Variants in CXorf58 observed in about 807,000 individuals in gnomAD.
CXorf58 encodes the protein chromosome X open reading frame 58.
In CXorf58, 24 loss-of-function variants were observed where a neutral mutation model predicts 26.0. The observed-to-expected ratio is 0.92, with a 90% confidence interval of 0.67 to 1.30. The LOEUF is 1.30. CXorf58 is among the 50% of genes most tolerant of loss of function. CXorf58 has a pLI of 0.00. For missense variants in CXorf58, 236 were observed against 263.9 expected, an observed-to-expected ratio of 0.89 and a Z score of 0.73; for synonymous variants, 87 against 86.1, an observed-to-expected ratio of 1.01 and a Z score of -0.06.
At chrX:23,927,647 G>A (rs1928049869) in intron 6 of CXorf58, among the ~76,000 whole-genome samples, 1 of 109,904 alleles carries the variant, frequency 9.1e-6, no homozygotes, top group Non-Finnish European at 1.9e-5. Flanking sequence ...TTGTATATAG[G>A]TAAACTCGTG....
intron 6 of CXorf58, among the ~76,000 whole-genome samples, chrX:23,933,182 G>A (rs993858906): frequency 8.2e-5 from 9 of 109,711 alleles, no homozygotes; most frequent in African/African-American, 2.7e-4. Flanking sequence ...GATTGCCTGT[G>A]TGTGTGTATG....
At chrX:23,925,161 T>C (rs1927971567) in intron 5 of CXorf58, among the ~76,000 whole-genome samples, 1 of 111,773 alleles carries the variant, frequency 8.9e-6, no homozygotes, top group Admixed American at 9.6e-5. Flanking sequence ...TTTCTTCCTT[T>C]TTCATTTTCT....
chrX:23,922,323 G>A (rs1008556939), intron 5 of CXorf58, among the ~76,000 whole-genome samples: 5 of 111,096 alleles, frequency 4.5e-5, no homozygotes, highest in Non-Finnish European at 7.5e-5. Flanking sequence ...GCAGTGAGCC[G>A]AGATTGCACC....
At chrX:23,934,859 C>A (rs1008495832) in intron 6 of CXorf58, among the ~76,000 whole-genome samples, 1 of 107,800 alleles carries the variant, frequency 9.3e-6, no homozygotes, top group Admixed American at 1.0e-4. Flanking sequence ...TTCTCTTTTT[C>A]TTTTCTTTTC....
Position 23,911,825 on chromosome X carries a change from T to C in CXorf58, c.185T>C (p.Phe62Ser). 2.5e-6 allele frequency: 3 copies of C among 1,202,571 alleles called. No homozygotes were observed. Among genetic ancestry groups the C allele is most frequent in the Non-Finnish European group, 3.4e-6 (3 of 888,762 alleles). Residue 62 changes from phenylalanine to serine, a missense_variant, in exon 3 of 9, where the codon TTT becomes TCT. Physicochemically the swap from Phe to Ser is radical, Grantham distance 155. Transcript: ENST00000379211. ...AWLSHTNKMI[F>S]RLLKHAICAA... The stretch of plus-strand genomic sequence containing the variant: ...TTATCTCATACAAACAAAATGATAT[T>C]TCGACTCCTAAAACACGCAATTTGT...
At chrX:23,931,363 G>A (rs891132966) in intron 6 of CXorf58, among the ~76,000 whole-genome samples, 1 of 111,867 alleles carries the variant, frequency 8.9e-6, no homozygotes, top group Non-Finnish European at 1.9e-5. Context: ...GTCCTTATAC[G>A]GGTGTGGCAC....
At chrX:23,925,638 G>A (rs1022339892) in intron 5 of CXorf58, among the ~76,000 whole-genome samples, 15 of 108,165 alleles carry the variant, frequency 1.4e-4, no homozygotes, top group Admixed American at 2.0e-4. Context: ...GTGAACCACC[G>A]TGCCTGGCCT....
At chrX:23,911,478 T>C (rs1471891977) in intron 2 of CXorf58, among the ~76,000 whole-genome samples, 1 of 111,521 alleles carries the variant, frequency 9.0e-6, no homozygotes, top group Admixed American at 9.6e-5. Flanking sequence ...TGCCTCTTAA[T>C]GATATATTTA....
At chrX:23,922,499 T>C (rs775946992) in intron 5 of CXorf58, among the ~76,000 whole-genome samples, 2 of 111,890 alleles carry the variant, frequency 1.8e-5, no homozygotes, top group Non-Finnish European at 3.8e-5. Flanking sequence ...TCTTAACCAC[T>C]CCTGAGAGTT....
chrX:23,917,660 C>T (rs1483236818), intron 5 of CXorf58, among the ~76,000 whole-genome samples: 2 of 110,566 alleles, frequency 1.8e-5, no homozygotes, highest in African/African-American at 6.6e-5. Flanking sequence ...TCAGGTGATT[C>T]GCCCGCCTCG....
At chrX:23,911,267 G>C (rs949996241) in intron 2 of CXorf58, among the ~76,000 whole-genome samples, 1 of 111,057 alleles carries the variant, frequency 9.0e-6, no homozygotes, top group Non-Finnish European at 1.9e-5. Flanking sequence ...GATGAGCCTG[G>C]TTCAAGCAAA....
intron 5 of CXorf58, among the ~76,000 whole-genome samples, chrX:23,926,522 G>A (rs1378097770): frequency 1.8e-5 from 2 of 112,095 alleles, no homozygotes; most frequent in Non-Finnish European, 3.8e-5. Flanking sequence ...GGTGGTACTA[G>A]TGACACCTTT....
At chrX:23,934,977 G>C (rs1342313343) in intron 6 of CXorf58, among the ~76,000 whole-genome samples, 1 of 110,059 alleles carries the variant, frequency 9.1e-6, no homozygotes, top group Non-Finnish European at 1.9e-5. Flanking sequence ...CAATTCTCCT[G>C]CCTGAGCCTC....
At chrX:23,935,781 T>C (rs901664610) in intron 7 of CXorf58, among the ~76,000 whole-genome samples, 8 of 109,886 alleles carry the variant, frequency 7.3e-5, no homozygotes, top group Non-Finnish European at 1.3e-4. Context: ...TAGTTGCCTT[T>C]TTTTTTTTTG....
rs1450567733 is a variant in CXorf58 at position 23,908,767 on chromosome X, TAC to T, written c.-21+440_-21+441del. Among the ~76,000 whole-genome samples the T allele has an allele frequency of 2.7e-5, 3 of 112,476 alleles. No homozygotes were observed. The Admixed American group carries it at 2.8e-4, about 11-fold the overall frequency. On this transcript the variant is annotated intron_variant, in intron 1 of 8. Coordinates refer to ENST00000379211, the MANE Select transcript of CXorf58 (RefSeq NM_152761.3). ...AGCATCTGGAAAAATTTAGAATTTG[TAC>T]AGTGACGTGCCACTGCCCTCCAGCC...
rs938061783 is a variant in CXorf58 at position 23,908,235 on chromosome X, C to G, written c.-115C>G. ...CCTTACGAAAGGTTTTAACCAAGGA[C>G]TTGAGGTTTCTCAGGTTTTAAATTT... On this transcript the variant is annotated 5_prime_UTR_variant, in exon 1 of 9. Transcript: ENST00000379211. 8.8e-6 allele frequency: 1 copy of G among 113,178 alleles called. No homozygotes were observed. The highest frequency in any genetic ancestry group is 3.2e-5 in the African/African-American group (1 of 31,137). The allele number at this position is 113,178 out of a possible 1,213,427, so 9.3% of individuals were successfully genotyped here.
Position 23,938,643 on chromosome X carries a change from A to C in CXorf58, c.882A>C (p.Lys294Asn). The stretch of plus-strand genomic sequence containing the variant: ...GTCGATCCAAGCAAGCTCAAATGAA[A>C]GTTGAAAAAATGAGAAAAGTTTATT... ...LGRRSKQAQM[K>N]VEKMRKVYLA... Residue 294 changes from lysine (K) to asparagine (N), a missense_variant, in exon 8 of 9, where the codon AAA becomes AAC. Coordinates refer to ENST00000379211, the MANE Select transcript of CXorf58 (RefSeq NM_152761.3). 1 of 1,191,926 alleles carries C rather than the reference A, an allele frequency of 8.4e-7. No individual in the cohort carries two copies. Among genetic ancestry groups the C allele is most frequent in the Middle Eastern group, 2.4e-4 (1 of 4,243 alleles).
chrX:23,916,455 GT>G (rs1202777969), intron 5 of CXorf58, 127 bp downstream of exon 5: 48 of 183,790 alleles, frequency 2.6e-4, no homozygotes, highest in East Asian at 6.6e-4. Context: ...TAGGTAGTGT[GT>G]TTTTTTTTAA....
chrX:23,917,863 C>T (rs1048708969), intron 5 of CXorf58, among the ~76,000 whole-genome samples: 1 of 109,934 alleles, frequency 9.1e-6, no homozygotes, highest in African/African-American at 3.3e-5. Flanking sequence ...TTTTTTGAGA[C>T]GGAGTCTCGC....
Sources: allele counts gnomAD v4.1 joint callset (sites outside exome capture counted in the v4.1 genomes callset), GRCh38; gene constraint gnomAD v4.1.1; transcripts MANE v1.5; gene names NCBI Gene and HGNC (gene_info 2026-07-23, HGNC 2026-07-21).